The following DNAI1 variants were observed in gnomAD, a reference collection of about 807,000 sequenced individuals.
DNAI1 encodes dynein axonemal intermediate chain 1.
In DNAI1, 67 loss-of-function variants were observed where a neutral mutation model predicts 92.0. The ratio of observed to expected loss-of-function variants is 0.73; its 90% CI spans 0.60 to 0.89. The LOEUF (loss-of-function observed/expected upper bound fraction) is 0.89. Ranked by LOEUF, DNAI1 falls within the 40% of genes least tolerant of loss-of-function variation. The pLI is 0.00. For missense variants in DNAI1, 839 were observed against 866.6 expected (o/e 0.97, Z 0.40); for synonymous variants, 323 against 319.6 (o/e 1.01, Z -0.11).
chr9:34,487,347 G>A (rs975446045), intron 4 of DNAI1, among the ~76,000 whole-genome samples: 17 of 152,014 alleles, frequency 1.1e-4, no homozygotes, highest in Admixed American at 9.2e-4. Context: ...CACCACACCC[G>A]GCTAATTTTT....
intron 13 of DNAI1, among the ~76,000 whole-genome samples, chr9:34,510,580 C>A (rs1157551680): frequency 1.3e-5 from 2 of 152,184 alleles, no homozygotes; most frequent in African/African-American, 2.4e-5. Context: ...CTCACCTCCA[C>A]CCCAGGAGCA....
intron 18 of DNAI1, 79 bp downstream of exon 18, chr9:34,514,818 C>T: frequency 2.7e-6 from 4 of 1,455,408 alleles, no homozygotes; most frequent in Non-Finnish European, 3.8e-6. Context: ...TGATGGAGAA[C>T]CCATCCCATG....
Position 34,490,162 on chromosome 9 carries a change from G to A in DNAI1, c.501+38G>A, listed in dbSNP as rs118011324. On this transcript the variant is annotated intron_variant, in intron 6 of 19. Transcript: ENST00000242317. ...ATCGCTCTGTGTCCCTCTTCTTCCA[G>A]CTCAAGCTGTGGATGGAGGCTTCAT... 16 of 1,613,538 alleles carry A rather than the reference G, an allele frequency of 9.9e-6. No homozygotes were observed. In the East Asian group the frequency reaches 3.3e-4, roughly 34 times the overall value.
intron 13 of DNAI1, among the ~76,000 whole-genome samples, chr9:34,510,762 T>C (rs1210375066): frequency 6.6e-6 from 1 of 152,158 alleles, no homozygotes; most frequent in Non-Finnish European, 1.5e-5. Context: ...TCTTACAGCC[T>C]GGCCTTTGAC....
intron 18 of DNAI1, 64 bp from the exon 19 acceptor site, chr9:34,517,221 A>T: frequency 6.4e-7 from 1 of 1,568,618 alleles, no homozygotes; most frequent in Non-Finnish European, 8.7e-7. Context: ...CCAGGGACTC[A>T]TTCCTCTGAG....
chr9:34,468,601 G>C (rs1316285141), intron 1 of DNAI1, among the ~76,000 whole-genome samples: 3 of 151,938 alleles, frequency 2.0e-5, no homozygotes, highest in Non-Finnish European at 4.4e-5. Flanking sequence ...TGAGACGGGA[G>C]GATCACTTGA....
intron 15 of DNAI1, 106 bp from the exon 16 acceptor site, chr9:34,513,006 T>G: frequency 1.1e-6 from 1 of 915,730 alleles, no homozygotes. Flanking sequence ...CTGCGCTGAG[T>G]CCTGCGCTGA....
chr9:34,483,182 G>A lies in DNAI1; in HGVS notation c.49-266G>A, dbSNP rs570269536. Among the ~76,000 whole-genome samples, 32 of 152,330 alleles carry A rather than the reference G, an allele frequency of 2.1e-4. 1 individual carries two copies. The East Asian group carries it at 5.6e-3, about 27-fold the overall frequency. ...CTCCTTCCACACCTCCCTGCAAGCT[G>A]AGGGAGTGGGCTCCGGCCTTGGCCA... On this transcript the variant is annotated intron_variant, in intron 1 of 19. Coordinates refer to ENST00000242317, the MANE Select transcript of DNAI1 (RefSeq NM_012144.4).
At position 34,506,828 on chromosome 9, in the gene DNAI1, T is replaced by A; in HGVS notation, c.1265T>A (p.Phe422Tyr). The A allele has an allele frequency of 6.2e-7, 1 of 1,612,700 alleles. No individual in the cohort carries two copies. Among genetic ancestry groups the A allele is most frequent in the Non-Finnish European group, 8.5e-7 (1 of 1,180,022 alleles). The change falls in exon 13 of 20, where the codon TTC becomes TAC. Residue 422 changes from phenylalanine to tyrosine, a missense_variant. Coordinates refer to ENST00000242317, the MANE Select transcript of DNAI1 (RefSeq NM_012144.4). Reference sequence around the variant, plus strand: ...AAGAAGCCCCACTCCCAGCCCTCCTTCTGCAGCTCAGCCAAGTCTGGCAAG... The same window carrying A: ...AAGAAGCCCCACTCCCAGCCCTCCTACTGCAGCTCAGCCAAGTCTGGCAAG... ...NLKKPHSQPS[F>Y]CSSAKSGKHS...
intron 1 of DNAI1, among the ~76,000 whole-genome samples, chr9:34,475,555 A>G (rs1487501685): frequency 6.6e-6 from 1 of 152,172 alleles, no homozygotes; most frequent in Non-Finnish European, 1.5e-5. Flanking sequence ...TTTATTGGGC[A>G]CACACTCTGG....
At chr9:34,483,905 T>C (rs760541409) in intron 2 of DNAI1, among the ~76,000 whole-genome samples, 2 of 152,204 alleles carry the variant, frequency 1.3e-5, no homozygotes, top group East Asian at 1.9e-4. Flanking sequence ...CCATGCCTCA[T>C]TGGTGGACAT....
chr9:34,489,209 A>T, intron 4 of DNAI1, 114 bp from the exon 5 acceptor site: 2 of 1,297,566 alleles, frequency 1.5e-6, no homozygotes, highest in Non-Finnish European at 2.2e-6. Flanking sequence ...TTGGTGAGTT[A>T]CATTTCCTTT....
Position 34,493,222 on chromosome 9 carries a change from A to C in DNAI1, c.710A>C (p.Glu237Ala). Reference sequence around the variant, plus strand: ...GAGATCTATGATGCCTATGTAGAGGAACTTGAGAAGCAGGAAAAGACCAAA... The same window carrying C: ...GAGATCTATGATGCCTATGTAGAGGCACTTGAGAAGCAGGAAAAGACCAAA... ...QWEIYDAYVEELEKQEKTKEK... is the reference protein window; with the variant it reads ...QWEIYDAYVEALEKQEKTKEK... Residue 237 changes from glutamate (E) to alanine (A), a missense_variant, in exon 9 of 20, where the codon GAA becomes GCA. Glu to Ala is a moderately radical substitution (Grantham distance 107). Transcript: ENST00000242317. 6.2e-7 allele frequency: 1 copy of C among 1,614,138 alleles called. No homozygotes were observed. Among genetic ancestry groups the C allele is most frequent in the South Asian group, 1.1e-5 (1 of 91,070 alleles).
chr9:34,485,120 C>T, intron 2 of DNAI1, 22 bp from the exon 3 acceptor site: 1 of 1,613,072 alleles, frequency 6.2e-7, no homozygotes, highest in Non-Finnish European at 8.5e-7. Context: ...ACTCCCAAGC[C>T]TCATGTGAGG....
At chr9:34,519,321 G>T (rs1825223885) in intron 19 of DNAI1, among the ~76,000 whole-genome samples, 1 of 152,082 alleles carries the variant, frequency 6.6e-6, no homozygotes, top group Non-Finnish European at 1.5e-5. Flanking sequence ...GCCAAAGACT[G>T]TCTTTCCCTA....
At chr9:34,520,578 C>A in intron 19 of DNAI1, 80 bp from the exon 20 acceptor site, 2 of 1,313,546 alleles carry the variant, frequency 1.5e-6, no homozygotes, top group Non-Finnish European at 2.1e-6. Flanking sequence ...GCTGGACAGG[C>A]TGGGCAGAGG....
At position 34,513,199 on chromosome 9, in the gene DNAI1, T is replaced by TG; in HGVS notation, c.1569+9dup. 6.2e-7 allele frequency: 1 copy of TG among 1,612,320 alleles called. No individual in the cohort carries two copies. The highest frequency in any genetic ancestry group is 2.2e-5 in the East Asian group (1 of 44,872). On this transcript the variant is annotated intron_variant, in intron 16 of 19. Coordinates refer to ENST00000242317, the MANE Select transcript of DNAI1 (RefSeq NM_012144.4). ...GAGGGAAAAATCTACAAGGTGAGGC[T>TG]GCCCTGTGCCAGCTCCTTAGAAGGC...
intron 1 of DNAI1, among the ~76,000 whole-genome samples, chr9:34,469,970 A>T (rs894265114): frequency 6.6e-6 from 1 of 152,262 alleles, no homozygotes; most frequent in East Asian, 1.9e-4. Context: ...CACTGTATAC[A>T]GAAATAAAAT....
rs576409289 is a variant in DNAI1 at position 34,464,535 on chromosome 9, G to A, written c.48+5482G>A. On this transcript the variant is annotated intron_variant, in intron 1 of 19. Transcript: ENST00000242317. ...ACCTGCCCCCAATGCCCCCTGCCCC[G>A]TTATGGAAGGTAGGGTAAGTTTCCT... Among the ~76,000 whole-genome samples the A allele has an allele frequency of 1.0e-3, 123 of 117,852 alleles. No individual in the cohort carries two copies. In the South Asian group the frequency reaches 0.031, roughly 30 times the overall value. The allele number at this position is 117,852 out of a possible 152,430, so 77.3% of individuals were successfully genotyped here.
Sources: gnomAD v4.1 joint callset for allele counts (sites outside exome capture counted in the v4.1 genomes callset) on GRCh38, gnomAD v4.1.1 for gene constraint, MANE v1.5 for transcripts, NCBI Gene and HGNC (gene_info 2026-07-23, HGNC 2026-07-21) for gene names.